TMCO4: variants seen among roughly 807,000 people sequenced by gnomAD.
TMCO4 encodes the protein transmembrane and coiled-coil domain-containing protein 4.
A neutral mutation model predicts 64.7 loss-of-function variants in TMCO4; 58 were observed. The ratio of observed to expected loss-of-function variants is 0.90; its 90% CI spans 0.73 to 1.12. The LOEUF is 1.12. TMCO4 is among the 50% of genes most tolerant of loss of function. The probability of loss-of-function intolerance (pLI) is 0.00; values close to 1 mark genes in which losing one functional copy is unlikely to be tolerated. For missense variants in TMCO4, 780 were observed against 825.9 expected, an observed-to-expected ratio of 0.94 and a Z score of 0.68; for synonymous variants, 325 against 346.1, an observed-to-expected ratio of 0.94 and a Z score of 0.68.
chr1:19,777,274 A>G (rs1460932380), intron 4 of TMCO4, among the ~76,000 whole-genome samples: 2 of 150,850 alleles, frequency 1.3e-5, no homozygotes, highest in Non-Finnish European at 2.9e-5. Flanking sequence ...GGTGTGATGT[A>G]TGGAGCTGCA....
chr1:19,731,516 GC>G (rs1335821598), intron 13 of TMCO4, among the ~76,000 whole-genome samples: 1 of 152,164 alleles, frequency 6.6e-6, no homozygotes, highest in Non-Finnish European at 1.5e-5. Context: ...CAAACCAGAG[GC>G]CCTGACTCCA....
rs145814331 is a variant in TMCO4, at chr1:19,701,914, C to T, written c.1265-1029G>A. Reference sequence around the variant, plus strand: ...TTTTGGGAAGCCGAGGCATAAGGATCGCTTCAGCCCAGGAGTTCAAGACCA... The same window carrying T: ...TTTTGGGAAGCCGAGGCATAAGGATTGCTTCAGCCCAGGAGTTCAAGACCA... On this transcript the variant is annotated intron_variant, in intron 13 of 15. Transcript: ENST00000294543. Among the ~76,000 whole-genome samples, 24 of 152,266 alleles carry T rather than the reference C, an allele frequency of 1.6e-4. No individual in the cohort carries two copies. The East Asian group carries it at 1.7e-3, about 11-fold the overall frequency.
intron 13 of TMCO4, among the ~76,000 whole-genome samples, chr1:19,710,090 A>G (rs2095323609): frequency 6.6e-6 from 1 of 151,414 alleles, no homozygotes; most frequent in South Asian, 2.1e-4. Context: ...CTGGAATTCT[A>G]TTTTTTAAAA....
At chr1:19,739,782 C>T (rs200221198) in intron 12 of TMCO4, 42 bp downstream of exon 12, 16 of 1,595,080 alleles carry the variant, frequency 1.0e-5, no homozygotes, top group South Asian at 9.1e-5. Flanking sequence ...CCTGACTTCC[C>T]CTCTTGCTCA....
chr1:19,701,676 C>T (rs2095273220), intron 13 of TMCO4, among the ~76,000 whole-genome samples: 1 of 152,070 alleles, frequency 6.6e-6, no homozygotes, highest in East Asian at 1.9e-4. Context: ...TGGGAGACAC[C>T]AATATCTTCC....
chr1:19,708,024 C>G (rs1382394187), intron 13 of TMCO4, among the ~76,000 whole-genome samples: 1 of 152,144 alleles, frequency 6.6e-6, no homozygotes, highest in Non-Finnish European at 1.5e-5. Flanking sequence ...TCTCCTTCAA[C>G]ACAGCGGGAT....
chr1:19,742,086 C>T (rs1459420189), intron 10 of TMCO4, among the ~76,000 whole-genome samples: 2 of 152,104 alleles, frequency 1.3e-5, no homozygotes, highest in Non-Finnish European at 2.9e-5. Flanking sequence ...TGCCTAAAAC[C>T]CTTCATGAGC....
rs760782660 is a variant in TMCO4, at chr1:19,747,188, C to T, written c.588G>A (p.Ala196=). 32 of 1,614,008 alleles carry T rather than the reference C, an allele frequency of 2.0e-5. No individual in the cohort carries two copies. The highest frequency in any genetic ancestry group is 6.6e-5 in the South Asian group (6 of 91,048). Residue 196 remains alanine (A), a synonymous_variant, in exon 8 of 16, where the codon GCG becomes GCA. Coordinates refer to ENST00000294543, the MANE Select transcript of TMCO4 (RefSeq NM_181719.7). The stretch of plus-strand genomic sequence containing the variant: ...CGATCACCGTTCCGCCTCCGACAGT[C>T]GCCAGGCCTATCAGGAGATAACGCT... ...KWKRYLLIGL[A]TVGGGTVIGV... is the part of the protein sequence containing the mutation.
intron 15 of TMCO4, among the ~76,000 whole-genome samples, chr1:19,692,381 T>C (rs2100558848): frequency 6.6e-6 from 1 of 152,254 alleles, no homozygotes; most frequent in East Asian, 1.9e-4. Flanking sequence ...GACCCTGGAA[T>C]GTCTCTAAGC....
intron 2 of TMCO4, among the ~76,000 whole-genome samples, chr1:19,788,098 C>A (rs972070085): frequency 6.6e-6 from 1 of 152,180 alleles, no homozygotes; most frequent in Non-Finnish European, 1.5e-5. Flanking sequence ...ATACTTTTTA[C>A]CTCTTTAAGC....
intron 6 of TMCO4, among the ~76,000 whole-genome samples, chr1:19,762,682 A>G (rs771214292): frequency 7.9e-5 from 12 of 152,258 alleles, no homozygotes; most frequent in Non-Finnish European, 1.8e-4. Flanking sequence ...ACAGGTTGTG[A>G]TAACAATCCT....
chr1:19,750,317 C>T (rs959239221), intron 7 of TMCO4: 5 of 152,100 alleles, frequency 3.3e-5, no homozygotes, highest in South Asian at 2.1e-4. Context: ...ACTAGACAAG[C>T]GATGTGGCGC....
intron 6 of TMCO4, among the ~76,000 whole-genome samples, chr1:19,761,186 C>G (rs899431500): frequency 1.3e-5 from 2 of 152,206 alleles, no homozygotes; most frequent in Non-Finnish European, 2.9e-5. Flanking sequence ...AAAGTGGCAG[C>G]CTGGGTGCAG....
chr1:19,683,972 G>A (rs1442508011), intron 15 of TMCO4, among the ~76,000 whole-genome samples: 1 of 150,662 alleles, frequency 6.6e-6, no homozygotes, highest in East Asian at 2.0e-4. Context: ...ATATTGGCCA[G>A]GCTGGTCTCG....
intron 7 of TMCO4, among the ~76,000 whole-genome samples, chr1:19,750,877 T>C (rs2041996498): frequency 6.6e-6 from 1 of 152,234 alleles, no homozygotes. Context: ...GCCCTGACTC[T>C]GGGCCCCTTA....
chr1:19,722,515 T>C (rs1458731776), intron 13 of TMCO4, among the ~76,000 whole-genome samples: 1 of 152,236 alleles, frequency 6.6e-6, no homozygotes, highest in African/African-American at 2.4e-5. Context: ...TTGAAGAATG[T>C]AGGGGACTTG....
intron 5 of TMCO4, among the ~76,000 whole-genome samples, chr1:19,771,069 A>G (rs1050075508): frequency 1.3e-5 from 2 of 152,214 alleles, no homozygotes; most frequent in African/African-American, 4.8e-5. Flanking sequence ...TTACCTCATA[A>G]AGTCACTTCA....
intron 13 of TMCO4, among the ~76,000 whole-genome samples, chr1:19,721,782 C>T (rs1370897179): frequency 1.3e-5 from 2 of 151,580 alleles, no homozygotes. Context: ...GAGGGAGACC[C>T]TGTCTCAAAC....
At chr1:19,705,961 C>T (rs920026343) in intron 13 of TMCO4, among the ~76,000 whole-genome samples, 4 of 152,064 alleles carry the variant, frequency 2.6e-5, no homozygotes, top group African/African-American at 4.8e-5. Context: ...AGTGCTGTGG[C>T]GCAATTGTGG....
Sources: allele counts gnomAD v4.1 joint callset (sites outside exome capture counted in the v4.1 genomes callset), GRCh38; gene constraint gnomAD v4.1.1; transcripts MANE v1.5; gene names NCBI Gene and HGNC (gene_info 2026-07-23, HGNC 2026-07-21).